VPS35L: variants seen among roughly 807,000 people sequenced by gnomAD.
The protein encoded by VPS35L is VPS35 endosomal protein sorting factor like.
VPS35L carries 83 observed loss-of-function variants against 133.0 expected under a neutral mutation model. The observed-to-expected ratio is 0.62, with a 90% CI of 0.52 to 0.75. The LOEUF (loss-of-function observed/expected upper bound fraction) is 0.75. VPS35L is among the 30% of genes least tolerant of loss of function. VPS35L has a pLI of 0.00. For synonymous variants in VPS35L, 423 were observed against 449.9 expected (o/e 0.94, Z 0.76); for missense variants, 1,083 against 1,206.8 (o/e 0.90, Z 1.52).
At chr16:19,631,745 G>A (rs79025769) in intron 18 of VPS35L, among the ~76,000 whole-genome samples, 9,328 of 152,162 alleles carry the variant, frequency 0.061, 600 homozygotes, top group African/African-American at 0.15. Flanking sequence ...ATCTCACTCT[G>A]TTGCCCAGAC....
chr16:19,579,278 G>T, intron 6 of VPS35L, 150 bp downstream of exon 6: 1 of 689,994 alleles, frequency 1.4e-6, no homozygotes, highest in East Asian at 2.8e-5. Flanking sequence ...TCCAGGGAAG[G>T]GTGCCAGTGT....
chr16:19,578,512 A>T (rs1393826513), intron 5 of VPS35L, among the ~76,000 whole-genome samples: 2 of 152,136 alleles, frequency 1.3e-5, no homozygotes, highest in Non-Finnish European at 2.9e-5. Flanking sequence ...CCCTTCCTTC[A>T]TCCCTCCACC....
At chr16:19,679,685 A>G (rs1351630351) in intron 27 of VPS35L, among the ~76,000 whole-genome samples, 1 of 151,868 alleles carries the variant, frequency 6.6e-6, no homozygotes, top group African/African-American at 2.4e-5. Context: ...TTGCATTTTT[A>G]GTAGAAACGG....
intron 9 of VPS35L, among the ~76,000 whole-genome samples, chr16:19,604,309 A>G (rs1972478759): frequency 6.6e-6 from 1 of 152,174 alleles, no homozygotes; most frequent in East Asian, 1.9e-4. Flanking sequence ...TTCAGTGACT[A>G]TACAAACAAC....
At chr16:19,590,625 A>C (rs1972014800) in intron 7 of VPS35L, among the ~76,000 whole-genome samples, 1 of 152,156 alleles carries the variant, frequency 6.6e-6, no homozygotes, top group Non-Finnish European at 1.5e-5. Flanking sequence ...CCTGAACGCT[A>C]AATAGCAGAC....
intron 8 of VPS35L, among the ~76,000 whole-genome samples, chr16:19,592,656 G>C (rs574769259): frequency 6.6e-6 from 1 of 151,130 alleles, no homozygotes; most frequent in Admixed American, 6.6e-5. Context: ...GCTCTCCCCA[G>C]CATGTCTATT....
intron 29 of VPS35L, chr16:19,693,959 GAAAAAAAAA>G (rs915757096): frequency 1.1e-5 from 1 of 92,380 alleles, no homozygotes; most frequent in Non-Finnish European, 2.4e-5. Context: ...CAAAAAAAAA[GAAAAAAAAA>G]AAAAAAAAGA....
intron 14 of VPS35L, chr16:19,618,106 A>T (rs966497185): frequency 1.7e-4 from 25 of 149,348 alleles, no homozygotes; most frequent in African/African-American, 6.1e-4. Flanking sequence ...AAAAAAAAAA[A>T]AGACTGTGAT....
rs551723787 is a variant in VPS35L at position 19,601,714 on chromosome 16, G to A, written c.775G>A (p.Val259Ile). 16 of 1,614,176 alleles carry A rather than the reference G, an allele frequency of 9.9e-6. No homozygotes were observed. The East Asian group carries it at 3.3e-4, about 34-fold the overall frequency. ...TTCCATGTGTGTGGATAGCCGCAGC[G>A]TCTTACCAGGTAATGTCGCAGCTGT... ...IFSMCVDSRS[V>I]LPDHFSPENA... Residue 259 changes from valine to isoleucine, a missense_variant, in exon 9 of 31, where the codon GTC becomes ATC. Physicochemically the swap from Val to Ile is conservative, Grantham distance 29. Transcript: ENST00000417362.
chr16:19,623,369 C>G (rs1316641885), intron 14 of VPS35L, among the ~76,000 whole-genome samples: 1 of 152,168 alleles, frequency 6.6e-6, no homozygotes, highest in Non-Finnish European at 1.5e-5. Flanking sequence ...GGCTTTTCCT[C>G]TGTGTACACG....
intron 27 of VPS35L, among the ~76,000 whole-genome samples, chr16:19,679,359 C>G (rs961116644): frequency 6.7e-6 from 1 of 150,310 alleles, no homozygotes; most frequent in Non-Finnish European, 1.5e-5. Context: ...TGCAGTGGTG[C>G]CATCATAGCT....
At chr16:19,646,540 C>T (rs1973955844) in intron 23 of VPS35L, among the ~76,000 whole-genome samples, 1 of 152,178 alleles carries the variant, frequency 6.6e-6, no homozygotes, top group African/African-American at 2.4e-5. Flanking sequence ...TGGTGCATGC[C>T]TGTAATCCCA....
intron 2 of VPS35L, among the ~76,000 whole-genome samples, chr16:19,567,061 C>T (rs1317057626): frequency 2.0e-5 from 3 of 152,210 alleles, no homozygotes; most frequent in East Asian, 3.9e-4. Context: ...CCAGTTGGCC[C>T]CCTTTAATTG....
chr16:19,697,959 G>GA (rs1975973821), intron 29 of VPS35L, among the ~76,000 whole-genome samples: 1 of 152,218 alleles, frequency 6.6e-6, no homozygotes, highest in Non-Finnish European at 1.5e-5. Flanking sequence ...CTCATCTGCA[G>GA]AATGGGAGCA....
chr16:19,670,669 G>A (rs1324723095), intron 27 of VPS35L, among the ~76,000 whole-genome samples: 1 of 152,200 alleles, frequency 6.6e-6, no homozygotes, highest in Non-Finnish European at 1.5e-5. Context: ...TGGGATGGAA[G>A]AGATGTACAG....
intron 7 of VPS35L, among the ~76,000 whole-genome samples, chr16:19,587,039 G>A (rs1163796393): frequency 6.6e-6 from 1 of 152,068 alleles, no homozygotes; most frequent in African/African-American, 2.4e-5. Flanking sequence ...ACTTAAAATC[G>A]TGGCAGAAGG....
chr16:19,610,524 C>A, intron 12 of VPS35L, 109 bp downstream of exon 12: 1 of 674,834 alleles, frequency 1.5e-6, no homozygotes, highest in Non-Finnish European at 2.4e-6. Context: ...GAGAGAAGGA[C>A]TTTATTAGTG....
At chr16:19,629,187 T>A (rs1265534526) in intron 17 of VPS35L, among the ~76,000 whole-genome samples, 1 of 152,158 alleles carries the variant, frequency 6.6e-6, no homozygotes, top group Non-Finnish European at 1.5e-5. Flanking sequence ...ATCTCAGCAC[T>A]TTGGGAGGCT....
Position 19,639,978 on chromosome 16 carries a change from G to A in VPS35L, c.1699-37G>A. 6.5e-7 allele frequency: 1 copy of A among 1,539,810 alleles called. No homozygotes were observed. Among genetic ancestry groups the A allele is most frequent in the Non-Finnish European group, 9.0e-7 (1 of 1,114,682 alleles). On this transcript the variant is annotated intron_variant, in intron 20 of 30. Transcript: ENST00000417362. This position sits in a 1 kb window ranked among gnomAD's most constrained non-coding sequence, Gnocchi z 4.1. The stretch of plus-strand genomic sequence containing the variant: ...ACAGATTCCTTCCTTCCAATAACTT[G>A]TGTCATTTGCATATAGAGTGCTTGC...
Sources: gnomAD v4.1 joint callset for allele counts (sites outside exome capture counted in the v4.1 genomes callset) on GRCh38, gnomAD v4.1.1 for gene constraint, Gnocchi (gnomAD v3.1) non-coding constraint, MANE v1.5 for transcripts, NCBI Gene and HGNC (gene_info 2026-07-23, HGNC 2026-07-21) for gene names.